The following ANTKMT variants were observed in gnomAD, a reference collection of about 807,000 sequenced individuals.
The protein encoded by ANTKMT is adenine nucleotide translocase lysine methyltransferase.
ANTKMT carries 24 observed loss-of-function variants against 20.7 expected under a neutral mutation model. The observed-to-expected ratio is 1.16, with a 90% CI of 0.84 to 1.63. ANTKMT has a LOEUF of 1.63. ANTKMT is among the 40% of genes most tolerant of loss of function. The probability of loss-of-function intolerance (pLI) is 0.00; values close to 1 mark genes in which losing one functional copy is unlikely to be tolerated. For synonymous variants in ANTKMT, 193 were observed against 161.2 expected (o/e 1.20, Z -1.49); for missense variants, 428 against 334.8 (o/e 1.28, Z -2.17).
At position 721,364 on chromosome 16, in the gene ANTKMT, G is replaced by C. The variant is rs2040222257; in HGVS notation, c.90G>C (p.Ser30=). The change falls in exon 1 of 5, where the codon TCG becomes TCC. Residue 30 remains serine (S), a synonymous_variant. Coordinates refer to ENST00000569529, the MANE Select transcript of ANTKMT (RefSeq NM_023933.3). The stretch of plus-strand genomic sequence containing the variant: ...AGCTGCTGCAGGCGGCGGCCGGCTC[G>C]GGCTTGGCAGCCTACGCGGTGTGGG... The part of the protein sequence containing the change: ...ALELLQAAAG[S]GLAAYAVWAL... 3.8e-6 allele frequency: 5 copies of C among 1,327,726 alleles called. No individual in the cohort carries two copies. The highest frequency in any genetic ancestry group is 1.5e-5 in the African/African-American group (1 of 64,882). 82.2% of individuals were successfully genotyped at this position (1,327,726 alleles called of 1,614,324 possible).
At chr16:722,236 C>T (rs1233766602) in intron 4 of ANTKMT, 73 bp from the exon 5 acceptor site, 6 of 1,584,074 alleles carry the variant, frequency 3.8e-6, no homozygotes, top group Non-Finnish European at 4.3e-6. Flanking sequence ...AGGCTTGGGG[C>T]TAGGGGGGTG....
Position 721,210 on chromosome 16 carries a change from G to T in ANTKMT, c.-65G>T. ...GGGCACACCGCCAGCCCCAGGCCAG[G>T]CTGCGAGGGCCGCGGACCCGAGCCG... On this transcript the variant is annotated 5_prime_UTR_variant, in exon 1 of 5. Coordinates refer to ENST00000569529, the MANE Select transcript of ANTKMT (RefSeq NM_023933.3). The T allele has an allele frequency of 8.3e-7, 1 of 1,210,364 alleles. No individual in the cohort carries two copies. The highest frequency in any genetic ancestry group is 1.0e-6 in the Non-Finnish European group (1 of 973,064). 75.0% of individuals were successfully genotyped at this position (1,210,364 alleles called of 1,614,324 possible). A position where few individuals can be genotyped will look rare whatever the true frequency, so the allele number is the denominator to read the frequency against.
In ANTKMT at chr16:722,530, G is replaced by A. The variant is rs765899411; in HGVS notation, c.681G>A (p.Pro227=). 1.2e-6 allele frequency: 2 copies of A among 1,609,564 alleles called. No homozygotes were observed. The highest frequency in any genetic ancestry group is 8.5e-7 in the Non-Finnish European group (1 of 1,178,558). Reference sequence around the variant, plus strand: ...CCGGACCTAGTTCTGCCCCCATCCCGGGGGGCCTTATTTCTCAGGCCAGCT... The same window carrying A: ...CCGGACCTAGTTCTGCCCCCATCCCAGGGGGCCTTATTTCTCAGGCCAGCT... ...AAPGPSSAPI[P]GGLISQAS Residue 227 remains proline, a synonymous_variant, in exon 5 of 5, where the codon CCG becomes CCA. Coordinates refer to ENST00000569529, the MANE Select transcript of ANTKMT (RefSeq NM_023933.3).
chr16:722,069 C>A lies in ANTKMT; in HGVS notation c.409-15C>A. The A allele has an allele frequency of 6.2e-7, 1 of 1,600,552 alleles. No individual in the cohort carries two copies. Among genetic ancestry groups the A allele is most frequent in the Non-Finnish European group, 8.5e-7 (1 of 1,176,078 alleles). On this transcript the variant is annotated splice_polypyrimidine_tract_variant and intron_variant, in intron 3 of 4. Coordinates refer to ENST00000569529, the MANE Select transcript of ANTKMT (RefSeq NM_023933.3). ...CCAGGCCTCTCCCCGGCCGGGGCGA[C>A]TTCTCTTCCGGCAGGTGAGCCTGAG...
chr16:722,289 T>C lies in ANTKMT; in HGVS notation c.460-20T>C. 1.3e-6 allele frequency: 2 copies of C among 1,546,888 alleles called. No homozygotes were observed. The highest frequency in any genetic ancestry group is 2.3e-5 in the East Asian group (1 of 44,236). On this transcript the variant is annotated intron_variant, in intron 4 of 4. Transcript: ENST00000569529. ...CCGGCCCCGCCCCCGCCCCCTCTAC[T>C]CTGCTGTTCTCTCCCTCAGCTCCCG... is the stretch of plus-strand genomic sequence containing the variant.
chr16:721,911 C>T lies in ANTKMT; in HGVS notation c.378C>T (p.Ser126=), dbSNP rs1490499605. 10 of 1,571,286 alleles carry T rather than the reference C, an allele frequency of 6.4e-6. No homozygotes were observed. Among genetic ancestry groups the T allele is most frequent in the African/African-American group, 2.7e-5 (2 of 74,616 alleles). The part of the protein sequence containing the change: ...LHAWRAGCAG[S]VCYRRKDLWK... ...CCTGGAGGGCCGGCTGTGCCGGCAG[C>T]GTCTGCTATCGCCGCAAGGATCTCT... Residue 126 remains serine (S), a synonymous_variant, in exon 3 of 5, where the codon AGC becomes AGT. Coordinates refer to ENST00000569529, the MANE Select transcript of ANTKMT (RefSeq NM_023933.3).
chr16:721,560 G>C (rs1206487736), intron 1 of ANTKMT, 38 bp from the exon 2 acceptor site: 3 of 1,512,214 alleles, frequency 2.0e-6, no homozygotes, highest in Admixed American at 2.1e-5. Context: ...CGGGCGGGGC[G>C]GGAGCGGCCA....
intron 1 of ANTKMT, 48 bp from the exon 2 acceptor site, chr16:721,550 C>CGGGCG: frequency 6.7e-7 from 1 of 1,492,014 alleles, no homozygotes; most frequent in Non-Finnish European, 8.9e-7. Flanking sequence ...GGCCGGGCTG[C>CGGGCG]GGGCGGGGCG....
Position 721,936 on chromosome 16 carries a change from TG to T in ANTKMT, c.405del (p.Trp135Ter). On this transcript the variant is annotated frameshift_variant, in exon 3 of 5. Coordinates refer to ENST00000569529, the MANE Select transcript of ANTKMT (RefSeq NM_023933.3). LOFTEE classifies it high-confidence loss of function. The stretch of plus-strand genomic sequence containing the variant: ...CGTCTGCTATCGCCGCAAGGATCTC[TG>T]GAAGGTAACCTGGGGATCCCTGGCC... Reference protein sequence around the residue: ...GSVCYRRKDLWKVSLRDCRNV... With the variant: ...GSVCYRRKDLXKVSLRDCRNV... 6.4e-7 allele frequency: 1 copy of T among 1,572,260 alleles called. No individual in the cohort carries two copies. The highest frequency in any genetic ancestry group is 1.1e-5 in the South Asian group (1 of 87,152).
intron 4 of ANTKMT, 75 bp from the exon 5 acceptor site, chr16:722,234 G>A (rs1306202492): frequency 6.3e-7 from 1 of 1,584,204 alleles, no homozygotes; most frequent in South Asian, 1.1e-5. Flanking sequence ...CTAGGCTTGG[G>A]GCTAGGGGGG....
chr16:722,434 G>A lies in ANTKMT; in HGVS notation c.585G>A (p.Trp195Ter). 1 of 1,609,916 alleles carries A rather than the reference G, an allele frequency of 6.2e-7. No homozygotes were observed. Among genetic ancestry groups the A allele is most frequent in the Non-Finnish European group, 8.5e-7 (1 of 1,178,548 alleles). Reference sequence around the variant, plus strand: ...TTGGCGAGGGCCTGGACCGAGTATGGGCTTATGATGTTCCTGAGGGTGGGC... The same window carrying A: ...TTGGCGAGGGCCTGGACCGAGTATGAGCTTATGATGTTCCTGAGGGTGGGC... Reference protein sequence around the residue: ...TAVGEGLDRVWAYDVPEGGQA... With the variant: ...TAVGEGLDRV The change falls in exon 5 of 5, where the codon TGG becomes TGA. Residue 195 changes from tryptophan to a stop codon, truncating the protein, a stop_gained. Coordinates refer to ENST00000569529, the MANE Select transcript of ANTKMT (RefSeq NM_023933.3). LOFTEE classifies it low-confidence loss of function (END_TRUNC).
In ANTKMT at chr16:721,637, G is replaced by A; in HGVS notation, c.202G>A (p.Val68Met). Residue 68 changes from valine to methionine, a missense_variant, in exon 2 of 5, where the codon GTG becomes ATG. Val to Met is a conservative substitution (Grantham distance 21). Coordinates refer to ENST00000569529, the MANE Select transcript of ANTKMT (RefSeq NM_023933.3). ...CGCGAGCGCGCGGCAGGTGGAGCAC[G>A]TGTTGTCGCTGCTGCGAGGACGCCC... Reference protein sequence around the residue: ...VGASARQVEHVLSLLRGRPGK... With the variant: ...VGASARQVEHMLSLLRGRPGK... The A allele has an allele frequency of 1.3e-6, 2 of 1,548,370 alleles. No homozygotes were observed. The highest frequency in any genetic ancestry group is 1.2e-5 in the South Asian group (1 of 83,964).
chr16:722,272 G>T, intron 4 of ANTKMT, 37 bp from the exon 5 acceptor site: 2 of 1,583,442 alleles, frequency 1.3e-6, no homozygotes, highest in Admixed American at 1.7e-5. Flanking sequence ...TACCGGCCCC[G>T]CCCCCGCCCC....
Position 721,779 on chromosome 16 carries a change from C to T in ANTKMT, c.268-22C>T, listed in dbSNP as rs1344938877. On this transcript the variant is annotated intron_variant, in intron 2 of 4. Coordinates refer to ENST00000569529, the MANE Select transcript of ANTKMT (RefSeq NM_023933.3). Reference sequence around the variant, plus strand: ...GGGCGCCCCTGCCCACATCCTGGTTCCCACACTCTCGGTGCCCACAGGTGC... The same window carrying T: ...GGGCGCCCCTGCCCACATCCTGGTTTCCACACTCTCGGTGCCCACAGGTGC... 11 of 1,535,900 alleles carry T rather than the reference C, an allele frequency of 7.2e-6. No individual in the cohort carries two copies. In the South Asian group the frequency reaches 7.2e-5, roughly 10 times the overall value.
At position 722,407 on chromosome 16, in the gene ANTKMT, G is replaced by A. The variant is rs1165992619; in HGVS notation, c.558G>A (p.Ala186=). The A allele has an allele frequency of 4.4e-6, 7 of 1,603,954 alleles. No individual in the cohort carries two copies. The highest frequency in any genetic ancestry group is 2.2e-5 in the South Asian group (2 of 89,910). ...FPLPTWQPVT[A]VGEGLDRVWA... ...TCCCCACCTGGCAGCCTGTGACCGC[G>A]GTTGGCGAGGGCCTGGACCGAGTAT... The change falls in exon 5 of 5, where the codon GCG becomes GCA. Residue 186 remains alanine, a synonymous_variant. Coordinates refer to ENST00000569529, the MANE Select transcript of ANTKMT (RefSeq NM_023933.3).
intron 3 of ANTKMT, 47 bp from the exon 4 acceptor site, chr16:722,037 G>A: frequency 6.4e-7 from 1 of 1,570,814 alleles, no homozygotes. Flanking sequence ...CGATGACCCG[G>A]TGCCCACCAG....
Sources: gnomAD v4.1 joint callset for allele counts on GRCh38, gnomAD v4.1.1 for gene constraint, MANE v1.5 for transcripts, NCBI Gene and HGNC (gene_info 2026-07-23, HGNC 2026-07-21) for gene names.